Variants in MDN1 observed in about 807,000 individuals in gnomAD.
MDN1 encodes midasin.
Under a neutral mutation model 669.2 loss-of-function variants are expected in MDN1, and 266 were observed. The observed-to-expected ratio is 0.40, with a 90% confidence interval of 0.36 to 0.44. The LOEUF is 0.44. Ranked by LOEUF, MDN1 falls within the 20% of genes least tolerant of loss-of-function variation. The pLI is 1.00. For synonymous variants in MDN1, 2,385 were observed against 2,457.1 expected (o/e 0.97, Z 0.87); for missense variants, 5,940 against 6,754.0 (o/e 0.88, Z 4.22).
chr6:89,712,152 T>C lies in MDN1; in HGVS notation c.7535A>G (p.Glu2512Gly). 1 of 1,614,176 alleles carries C rather than the reference T, an allele frequency of 6.2e-7. No individual in the cohort carries two copies. Among genetic ancestry groups the C allele is most frequent in the Non-Finnish European group, 8.5e-7 (1 of 1,180,010 alleles). Reference protein sequence around the residue: ...AVEVNTYWIDEPDVLVMAVKL... With the variant: ...AVEVNTYWIDGPDVLVMAVKL... ...AACAGCCATGACCAAAACATCTGGT[T>C]CATCGATCCAGTAAGTATTCACTTC... The change falls in exon 49 of 102, where the codon GAA (glutamate) becomes GGA (glycine). Residue 2512 changes from glutamate to glycine, a missense_variant. Coordinates refer to ENST00000369393, the MANE Select transcript of MDN1 (RefSeq NM_014611.3).
rs1391230909 is a variant in MDN1, at chr6:89,712,150, G to C, written c.7537C>G (p.Pro2513Ala). ...VEVNTYWIDEPDVLVMAVKLL... is the reference protein window; with the variant it reads ...VEVNTYWIDEADVLVMAVKLL... ...TTAACAGCCATGACCAAAACATCTG[G>C]TTCATCGATCCAGTAAGTATTCACT... The change falls in exon 49 of 102, where the codon CCA becomes GCA. Residue 2513 changes from proline (P) to alanine (A), a missense_variant. Physicochemically the swap from Pro to Ala is conservative, Grantham distance 27 (BLOSUM62 -1). This residue lies in a region of MDN1 where 2,292 missense variants were observed against 2,638.3 expected (regional missense o/e 0.87). Transcript: ENST00000369393. 3.1e-6 allele frequency: 5 copies of C among 1,613,938 alleles called. No individual in the cohort carries two copies. The highest frequency in any genetic ancestry group is 4.2e-6 in the Non-Finnish European group (5 of 1,179,988).
At position 89,785,033 on chromosome 6, in the gene MDN1, C is replaced by G; in HGVS notation, c.1428G>C (p.Leu476=). The change falls in exon 9 of 102, where the codon CTG becomes CTC. Residue 476 remains leucine, a synonymous_variant. Coordinates refer to ENST00000369393, the MANE Select transcript of MDN1 (RefSeq NM_014611.3). ...KYWTKIHLDN[L]DKRELNEVLQ... ...GTACCTCATTCAGTTCTCTCTTATC[C>G]AGGTTATCCAGGTGAATTTTGGTCC... 6.2e-7 allele frequency: 1 copy of G among 1,613,068 alleles called. No individual in the cohort carries two copies. Among genetic ancestry groups the G allele is most frequent in the Non-Finnish European group, 8.5e-7 (1 of 1,179,056 alleles).
intron 30 of MDN1, 106 bp from the exon 31 acceptor site, chr6:89,743,386 G>C (rs1816395359): frequency 2.7e-6 from 4 of 1,455,258 alleles, no homozygotes; most frequent in South Asian, 2.5e-5. Context: ...TCTGAGGAAA[G>C]TAAGAATCTG....
chr6:89,731,381 G>C (rs1815581225), intron 34 of MDN1, among the ~76,000 whole-genome samples: 1 of 152,120 alleles, frequency 6.6e-6, no homozygotes, highest in Non-Finnish European at 1.5e-5. Context: ...ATCAATGATA[G>C]ACTGGATAAA....
intron 5 of MDN1, 131 bp from the exon 6 acceptor site, chr6:89,790,532 A>G: frequency 1.8e-6 from 2 of 1,083,418 alleles, no homozygotes; most frequent in Non-Finnish European, 2.7e-6. Context: ...CAAAACTATA[A>G]TAACAACAGG....
chr6:89,769,952 A>C (rs1420281659), intron 15 of MDN1, among the ~76,000 whole-genome samples: 1 of 152,096 alleles, frequency 6.6e-6, no homozygotes, highest in African/African-American at 2.4e-5. Context: ...AGAGAAATAG[A>C]CCAGGCCTGG....
intron 97 of MDN1, among the ~76,000 whole-genome samples, chr6:89,648,813 C>CAA (rs61330666): frequency 0.031 from 3,717 of 121,844 alleles, 89 homozygotes; most frequent in Admixed American, 0.06. Context: ...ACCCTGTCTT[C>CAA]AAAAAAAAAA....
intron 1 of MDN1, chr6:89,814,762 GC>G: frequency 2.5e-6 from 1 of 399,674 alleles, no homozygotes; most frequent in Non-Finnish European, 5.0e-6. Flanking sequence ...GCAAGGAGCG[GC>G]AGCCTATGGT....
intron 92 of MDN1, 36 bp from the exon 93 acceptor site, chr6:89,654,370 T>C: frequency 6.2e-7 from 1 of 1,611,908 alleles, no homozygotes; most frequent in Non-Finnish European, 8.5e-7. Flanking sequence ...ATAAAAATCC[T>C]AGGTCTTTGC....
At chr6:89,717,165 G>C (rs934583011) in intron 43 of MDN1, among the ~76,000 whole-genome samples, 2 of 152,220 alleles carry the variant, frequency 1.3e-5, no homozygotes, top group African/African-American at 4.8e-5. Flanking sequence ...GTGCAAACTG[G>C]GCTTCCTTTA....
intron 26 of MDN1, among the ~76,000 whole-genome samples, 185 bp from the exon 27 acceptor site, chr6:89,747,655 G>C (rs1199481361): frequency 2.0e-5 from 3 of 152,138 alleles, no homozygotes; most frequent in African/African-American, 7.2e-5. Flanking sequence ...ACTTTGGAAG[G>C]CCAAGGCGGG....
intron 1 of MDN1, among the ~76,000 whole-genome samples, chr6:89,817,407 G>T (rs1768912908): frequency 6.6e-6 from 1 of 152,130 alleles, no homozygotes; most frequent in African/African-American, 2.4e-5. Flanking sequence ...CACTGTATTG[G>T]ACACTACAGC....
Position 89,664,553 on chromosome 6 carries a change from C to A in MDN1, c.14170G>T (p.Asp4724Tyr), listed in dbSNP as rs1219727244. 6.2e-7 allele frequency: 1 copy of A among 1,614,002 alleles called. No homozygotes were observed. The highest frequency in any genetic ancestry group is 1.7e-5 in the Admixed American group (1 of 60,022). ...PDSKSDIKGEDNAIEMSEDFD... is the reference protein window; with the variant it reads ...PDSKSDIKGEYNAIEMSEDFD... Reference sequence around the variant, plus strand: ...TCTTCCGACATCTCAATGGCATTATCCTCGCCCTTAATATCAGATTTTGAA... The same window carrying A: ...TCTTCCGACATCTCAATGGCATTATACTCGCCCTTAATATCAGATTTTGAA... The change falls in exon 85 of 102, where the codon GAT becomes TAT. Residue 4724 changes from aspartate (D) to tyrosine (Y), a missense_variant. By Grantham distance (160) the Asp-to-Tyr change is radical. Coordinates refer to ENST00000369393, the MANE Select transcript of MDN1 (RefSeq NM_014611.3).
At chr6:89,707,310 A>G (rs1562118955) in intron 52 of MDN1, 51 bp downstream of exon 52, 2 of 1,318,416 alleles carry the variant, frequency 1.5e-6, no homozygotes, top group Non-Finnish European at 2.2e-6. Flanking sequence ...CTTTAGCAAC[A>G]TTATGCAATC....
chr6:89,684,318 A>G (rs1413885575), intron 71 of MDN1, among the ~76,000 whole-genome samples: 2 of 151,894 alleles, frequency 1.3e-5, no homozygotes, highest in Non-Finnish European at 2.9e-5. Context: ...ACTCCAGCCT[A>G]GGCAACAGAG....
At chr6:89,751,872 A>G (rs938339952) in intron 22 of MDN1, among the ~76,000 whole-genome samples, 1 of 152,092 alleles carries the variant, frequency 6.6e-6, no homozygotes, top group Non-Finnish European at 1.5e-5. Flanking sequence ...CAAAATGCCC[A>G]CTCCAATTAT....
chr6:89,708,709 A>G (rs966766285), intron 50 of MDN1, 81 bp from the exon 51 acceptor site: 21 of 1,478,028 alleles, frequency 1.4e-5, no homozygotes, highest in African/African-American at 2.8e-5. Flanking sequence ...GAATATTTTC[A>G]TTGTTTTACT....
chr6:89,719,090 C>A, intron 41 of MDN1, 46 bp downstream of exon 41: 1 of 1,612,814 alleles, frequency 6.2e-7, no homozygotes, highest in Non-Finnish European at 8.5e-7. Flanking sequence ...GCAGAAGAAA[C>A]CATTAAAAAA....
intron 72 of MDN1, 40 bp downstream of exon 72, chr6:89,683,791 A>G (rs750370140): frequency 1.1e-5 from 16 of 1,499,054 alleles, no homozygotes; most frequent in Non-Finnish European, 1.5e-5. Flanking sequence ...ACAAAATTCT[A>G]TTCTATTTTG....
Sources: allele counts gnomAD v4.1 joint callset (sites outside exome capture counted in the v4.1 genomes callset), GRCh38; gene constraint gnomAD v4.1.1; regional missense constraint gnomAD v4.1.1; transcripts MANE v1.5; gene names NCBI Gene and HGNC (gene_info 2026-07-23, HGNC 2026-07-21).